UVRAG: variants seen among roughly 807,000 people sequenced by gnomAD.
UVRAG encodes UV radiation resistance associated.
In UVRAG, 19 loss-of-function variants were observed where a neutral mutation model predicts 78.0. The ratio of observed to expected loss-of-function variants is 0.24; its 90% CI spans 0.17 to 0.36. UVRAG has a LOEUF of 0.36. Among genes scored for constraint, UVRAG ranks in the 10% least tolerant of loss-of-function variants. The probability of loss-of-function intolerance (pLI) is 1.00; values close to 1 mark genes in which losing one functional copy is unlikely to be tolerated. For missense variants in UVRAG, 740 were observed against 853.8 expected, an observed-to-expected ratio of 0.87 and a Z score of 1.66; for synonymous variants, 323 against 324.6, an observed-to-expected ratio of 1.00 and a Z score of 0.05.
intron 12 of UVRAG, among the ~76,000 whole-genome samples, chr11:76,062,842 C>CA (rs1198671713): frequency 6.6e-6 from 1 of 152,148 alleles, no homozygotes; most frequent in Non-Finnish European, 1.5e-5. Flanking sequence ...TCTCTAGAAA[C>CA]ATAACCTTTA....
intron 12 of UVRAG, among the ~76,000 whole-genome samples, chr11:76,062,073 C>G (rs1951104894): frequency 6.6e-6 from 1 of 152,174 alleles, no homozygotes; most frequent in Admixed American, 6.5e-5. Context: ...TTTATCCTTT[C>G]CAGCTTCTGG....
intron 7 of UVRAG, among the ~76,000 whole-genome samples, chr11:75,969,862 C>T (rs1224541706): frequency 6.6e-6 from 1 of 152,182 alleles, no homozygotes; most frequent in East Asian, 1.9e-4. Context: ...CCCACGCTTC[C>T]TCATTGTGAG....
At chr11:75,877,888 C>A (rs1209207264) in intron 3 of UVRAG, among the ~76,000 whole-genome samples, 1 of 144,978 alleles carries the variant, frequency 6.9e-6, no homozygotes, top group Admixed American at 6.8e-5. Flanking sequence ...CCCTCCCGGA[C>A]GGGGCGGCTG....
chr11:76,092,600 A>C, intron 13 of UVRAG, among the ~76,000 whole-genome samples: 1 of 152,148 alleles, frequency 6.6e-6, no homozygotes, highest in Non-Finnish European at 1.5e-5. Flanking sequence ...GATGATGAGC[A>C]TTTTGTCATG....
intron 6 of UVRAG, among the ~76,000 whole-genome samples, chr11:75,931,683 A>G (rs561739305): frequency 1.3e-5 from 2 of 152,152 alleles, no homozygotes; most frequent in Admixed American, 1.3e-4. Flanking sequence ...ACATGAAACA[A>G]TGTATTTGTT....
chr11:75,878,274 A>G (rs561416587), intron 3 of UVRAG: 559 of 198,672 alleles, frequency 2.8e-3, no homozygotes, highest in Non-Finnish European at 4.3e-3. Flanking sequence ...GCGGCCGGGC[A>G]GAGACGCTCC....
intron 7 of UVRAG, among the ~76,000 whole-genome samples, chr11:75,969,965 G>C (rs1197728902): frequency 1.3e-5 from 2 of 152,122 alleles, no homozygotes; most frequent in Non-Finnish European, 2.9e-5. Context: ...GAGTTTTGTA[G>C]TTACAATTTT....
At chr11:76,125,977 T>A (rs1455438258) in intron 14 of UVRAG, among the ~76,000 whole-genome samples, 1 of 145,182 alleles carries the variant, frequency 6.9e-6, no homozygotes, top group Non-Finnish European at 1.5e-5. Flanking sequence ...TTAGACAGAG[T>A]CTCGCTCTGT....
chr11:75,880,453 G>A lies in UVRAG; in HGVS notation c.432+413G>A, dbSNP rs1946912622. Among the ~76,000 whole-genome samples, 4 of 152,190 alleles carry A rather than the reference G, an allele frequency of 2.6e-5. No individual in the cohort carries two copies. In the South Asian group the frequency reaches 8.3e-4, roughly 32 times the overall value. On this transcript the variant is annotated intron_variant, in intron 4 of 14. Coordinates refer to ENST00000356136, the MANE Select transcript of UVRAG (RefSeq NM_003369.4). The stretch of plus-strand genomic sequence containing the variant: ...TAGCGTTATTCCAGGAATAAGAAGA[G>A]CTACTATTTATTGAGCACAGGATGA...
At chr11:76,034,864 G>A (rs111986419) in intron 12 of UVRAG, among the ~76,000 whole-genome samples, 3,753 of 152,272 alleles carry the variant, frequency 0.025, 76 homozygotes, top group Non-Finnish European at 0.038. Context: ...ATGATGTGGA[G>A]AGTCTAGTGA....
rs192668159 is a variant in UVRAG, at chr11:75,926,806, T to C, written c.593+14767T>C. ...AGAGGATATTTAGAGAATATAAATA[T>C]CCTAGAGAAGAGAGGACTTTGGGGA... On this transcript the variant is annotated intron_variant, in intron 6 of 14. Transcript: ENST00000356136. Among the ~76,000 whole-genome samples the C allele has an allele frequency of 1.3e-4, 20 of 151,988 alleles. No individual in the cohort carries two copies. In the East Asian group the frequency reaches 3.7e-3, roughly 28 times the overall value.
At chr11:76,111,317 C>T (rs1302963235) in intron 13 of UVRAG, among the ~76,000 whole-genome samples, 4 of 152,036 alleles carry the variant, frequency 2.6e-5, no homozygotes, top group Admixed American at 2.6e-4. Flanking sequence ...GTGGTGGTAC[C>T]GAGTATCTCA....
At chr11:75,948,227 A>T (rs902006779) in intron 6 of UVRAG, among the ~76,000 whole-genome samples, 1 of 152,176 alleles carries the variant, frequency 6.6e-6, no homozygotes, top group African/African-American at 2.4e-5. Context: ...AAAGATCTCC[A>T]TACCTCTTAC....
chr11:75,876,221 T>C (rs1446458453), intron 3 of UVRAG, among the ~76,000 whole-genome samples: 1 of 152,166 alleles, frequency 6.6e-6, no homozygotes, highest in African/African-American at 2.4e-5. Flanking sequence ...AGTGAGAGGA[T>C]TGTCTCATCA....
chr11:76,067,480 G>A (rs2134385812), intron 13 of UVRAG, among the ~76,000 whole-genome samples: 1 of 152,346 alleles, frequency 6.6e-6, no homozygotes, highest in Admixed American at 6.5e-5. Flanking sequence ...ACTGAGGCCA[G>A]GTGTGGTGGC....
intron 6 of UVRAG, among the ~76,000 whole-genome samples, chr11:75,953,419 A>G (rs1948741098): frequency 6.6e-6 from 1 of 152,196 alleles, no homozygotes; most frequent in Non-Finnish European, 1.5e-5. Flanking sequence ...ATACAAAACC[A>G]TTAATTATAA....
At chr11:76,073,266 C>G (rs116541025) in intron 13 of UVRAG, among the ~76,000 whole-genome samples, 83 of 152,278 alleles carry the variant, frequency 5.5e-4, no homozygotes, top group African/African-American at 1.9e-3. Context: ...AGGAAAAGCA[C>G]ATGTGCAATC....
intron 1 of UVRAG, among the ~76,000 whole-genome samples, chr11:75,828,731 G>GTATATATATATATATACACACACA (rs1342357287): frequency 9.0e-6 from 1 of 110,822 alleles, no homozygotes; most frequent in African/African-American, 3.7e-5. Flanking sequence ...ATGTGTGTGT[G>GTATATATATATATATACACACACA]TATATATATA....
chr11:75,950,810 C>T (rs1267658013), intron 6 of UVRAG, among the ~76,000 whole-genome samples: 1 of 152,080 alleles, frequency 6.6e-6, no homozygotes, highest in Non-Finnish European at 1.5e-5. Context: ...AAGTTATGAG[C>T]ACCATTTCAT....
Sources: allele counts gnomAD v4.1 joint callset (sites outside exome capture counted in the v4.1 genomes callset), GRCh38; gene constraint gnomAD v4.1.1; transcripts MANE v1.5; gene names NCBI Gene and HGNC (gene_info 2026-07-23, HGNC 2026-07-21).